CRPPA: variants seen among roughly 807,000 people sequenced by gnomAD.
CRPPA encodes CDP-L-ribitol pyrophosphorylase A.
CRPPA carries 43 observed loss-of-function variants against 52.0 expected under a neutral mutation model. The ratio of observed to expected loss-of-function variants is 0.83; its 90% CI spans 0.65 to 1.07. CRPPA has a LOEUF of 1.07. Ranked by LOEUF, CRPPA falls within the 50% of genes least tolerant of loss-of-function variation. The pLI, the probability that CRPPA is intolerant of heterozygous loss-of-function variation, is 0.00. For missense variants in CRPPA, 629 were observed against 551.7 expected, an observed-to-expected ratio of 1.14 and a Z score of -1.40; for synonymous variants, 250 against 203.5, an observed-to-expected ratio of 1.23 and a Z score of -1.94.
intron 9 of CRPPA, among the ~76,000 whole-genome samples, chr7:16,202,510 A>G (rs1781882696): frequency 6.6e-6 from 1 of 152,212 alleles, no homozygotes; most frequent in Non-Finnish European, 1.5e-5. Context: ...TTCTAGAAAT[A>G]AAGTGATAAA....
intron 9 of CRPPA, among the ~76,000 whole-genome samples, chr7:16,159,463 G>GA (rs1783257077): frequency 6.6e-6 from 1 of 152,126 alleles, no homozygotes; most frequent in Non-Finnish European, 1.5e-5. Context: ...CTGTTCCTGT[G>GA]TTAGCTTGCT....
At position 16,387,068 on chromosome 7, in the gene CRPPA, T is replaced by TATATATACAC. The variant is rs1554352505; in HGVS notation, c.535-10828_535-10827insGTGTATATAT. Among the ~76,000 whole-genome samples the TATATATACAC allele has an allele frequency of 4.1e-3, 281 of 68,726 alleles. 3 individuals are homozygous for TATATATACAC. Among genetic ancestry groups the TATATATACAC allele is most frequent in the African/African-American group, 0.021 (274 of 13,014 alleles). The allele number at this position is 68,726 out of a possible 152,430, so 45.1% of individuals were successfully genotyped here. ...AGATATATATATATATATATATATA[T>TATATATACAC]ATATATATATATATATATACACACA... On this transcript the variant is annotated intron_variant, in intron 2 of 9. Transcript: ENST00000407010.
At chr7:16,375,987 A>G (rs1786870119) in intron 3 of CRPPA, 105 bp downstream of exon 3, 4 of 1,095,148 alleles carry the variant, frequency 3.7e-6, no homozygotes, top group African/African-American at 1.6e-5. Context: ...AGCCTTGAGT[A>G]TAACTATACG....
intron 9 of CRPPA, among the ~76,000 whole-genome samples, chr7:16,102,369 G>C (rs1249067717): frequency 6.6e-6 from 1 of 151,556 alleles, no homozygotes; most frequent in Non-Finnish European, 1.5e-5. Flanking sequence ...AGAAAACTGA[G>C]GCAATACCAT....
chr7:16,306,382 A>T (rs2128424218), intron 4 of CRPPA, among the ~76,000 whole-genome samples: 1 of 152,340 alleles, frequency 6.6e-6, no homozygotes, highest in African/African-American at 2.4e-5. Context: ...ATAAAAGGGG[A>T]GCAGAGCATC....
intron 9 of CRPPA, among the ~76,000 whole-genome samples, chr7:16,140,037 T>G (rs529974699): frequency 2.6e-4 from 40 of 152,270 alleles, no homozygotes; most frequent in African/African-American, 9.6e-4. Flanking sequence ...TCAAGTAAAA[T>G]TATTCTTTTT....
intron 9 of CRPPA, among the ~76,000 whole-genome samples, chr7:16,094,678 T>C (rs1279147559): frequency 1.3e-5 from 2 of 152,090 alleles, no homozygotes; most frequent in South Asian, 2.1e-4. Flanking sequence ...GCAGGGTCCA[T>C]ATGAACAGTG....
chr7:16,113,514 G>A (rs929369967), intron 9 of CRPPA, among the ~76,000 whole-genome samples: 8 of 152,024 alleles, frequency 5.3e-5, no homozygotes, highest in African/African-American at 1.4e-4. Context: ...TAGATAAATT[G>A]TAAGGAAACT....
In CRPPA at chr7:16,258,998, T is replaced by C. The variant is rs780620823; in HGVS notation, c.948A>G (p.Thr316=). ...TGCCAGCATGACCCAGAGCCTCAGA[T>C]GTGACTTTTACATGCTAGTAGGAAA... is the stretch of plus-strand genomic sequence containing the variant. ...LKSELNHVKV[T]SEALGHAGRH... The change falls in exon 7 of 10, where the codon ACA becomes ACG. Residue 316 remains threonine, a synonymous_variant. Transcript: ENST00000407010. 2.9e-5 allele frequency: 46 copies of C among 1,609,600 alleles called. No homozygotes were observed. The highest frequency in any genetic ancestry group is 3.9e-5 in the Non-Finnish European group (46 of 1,177,610).
intron 9 of CRPPA, among the ~76,000 whole-genome samples, chr7:16,144,658 T>TA (rs1782937939): frequency 6.6e-6 from 1 of 152,120 alleles, no homozygotes; most frequent in Non-Finnish European, 1.5e-5. Context: ...CTCTACTGGG[T>TA]GGGGGGAGTC....
intron 5 of CRPPA, among the ~76,000 whole-genome samples, chr7:16,287,767 C>T (rs1284927821): frequency 1.3e-5 from 2 of 151,976 alleles, no homozygotes; most frequent in African/African-American, 4.8e-5. Context: ...ACTAAAAATA[C>T]AGAAATTAGC....
intron 3 of CRPPA, among the ~76,000 whole-genome samples, chr7:16,313,040 A>T (rs1785066791): frequency 6.6e-6 from 1 of 151,842 alleles, no homozygotes; most frequent in African/African-American, 2.4e-5. Flanking sequence ...TCCTTGTAAC[A>T]CCTTTTTTGT....
At chr7:16,397,157 C>G (rs969137230) in intron 2 of CRPPA, among the ~76,000 whole-genome samples, 1 of 152,248 alleles carries the variant, frequency 6.6e-6, no homozygotes, top group Non-Finnish European at 1.5e-5. Context: ...GACACATTAG[C>G]AAAATGCCAA....
Position 16,396,942 on chromosome 7 carries a change from T to A in CRPPA, c.534+9119A>T, listed in dbSNP as rs190330070. ...GTGACATGTGTAATGAAAAAACAAC[T>A]GTGACATGTGATGGAAGACACGTGT... On this transcript the variant is annotated intron_variant, in intron 2 of 9. Transcript: ENST00000407010. Among the ~76,000 whole-genome samples the A allele has an allele frequency of 3.4e-3, 522 of 152,232 alleles. 17 individuals are homozygous for A. The highest frequency in any genetic ancestry group is 0.031 in the Admixed American group (476 of 15,306).
At chr7:16,171,106 G>A (rs548223805) in intron 9 of CRPPA, among the ~76,000 whole-genome samples, 1 of 152,372 alleles carries the variant, frequency 6.6e-6, no homozygotes, top group East Asian at 1.9e-4. Flanking sequence ...AGTGAGGGCT[G>A]CCAGCACGTT....
At chr7:16,121,956 G>C (rs1782488959) in intron 9 of CRPPA, among the ~76,000 whole-genome samples, 1 of 152,018 alleles carries the variant, frequency 6.6e-6, no homozygotes, top group Non-Finnish European at 1.5e-5. Flanking sequence ...GTAGGACATA[G>C]GAAACGCTAA....
In CRPPA at chr7:16,088,020, T is replaced by C. The variant is rs1208729371; in HGVS notation, c.*3675A>G. The C allele has an allele frequency of 6.6e-6, 1 of 152,114 alleles. No individual in the cohort carries two copies. Among genetic ancestry groups the C allele is most frequent in the African/African-American group, 2.4e-5 (1 of 41,426 alleles). The allele number at this position is 152,114 out of a possible 1,614,324, so 9.4% of individuals were successfully genotyped here. ...AATTAATGTAAAATACTTACAATAA[T>C]AACCATAACAATGACTCTGAGAGAA... On this transcript the variant is annotated 3_prime_UTR_variant, in exon 10 of 10. Transcript: ENST00000407010.
At chr7:16,296,014 A>G (rs28652927) in intron 5 of CRPPA, among the ~76,000 whole-genome samples, 3 of 152,172 alleles carry the variant, frequency 2.0e-5, no homozygotes, top group Non-Finnish European at 2.9e-5. Flanking sequence ...GCCTAAGAAA[A>G]GGGATTATGA....
At chr7:16,420,883 C>T (rs1788315439) in intron 1 of CRPPA, among the ~76,000 whole-genome samples, 183 bp downstream of exon 1, 1 of 152,130 alleles carries the variant, frequency 6.6e-6, no homozygotes, top group African/African-American at 2.4e-5. Context: ...GCTTTCGTGC[C>T]CATCTGTTAA....
Sources: allele counts gnomAD v4.1 joint callset (sites outside exome capture counted in the v4.1 genomes callset), GRCh38; gene constraint gnomAD v4.1.1; transcripts MANE v1.5; gene names NCBI Gene and HGNC (gene_info 2026-07-23, HGNC 2026-07-21).